PCGF2: variants seen among roughly 807,000 people sequenced by gnomAD.
PCGF2 encodes the protein polycomb group RING finger protein 2.
In PCGF2, 8 loss-of-function variants were observed where a neutral mutation model predicts 36.1. The ratio of observed to expected loss-of-function variants is 0.22; its 90% CI spans 0.13 to 0.40. The LOEUF is 0.40. Among genes scored for constraint, PCGF2 ranks in the 10% least tolerant of loss-of-function variants. The pLI is 1.00. For synonymous variants in PCGF2, 198 were observed against 191.2 expected, an observed-to-expected ratio of 1.04 and a Z score of -0.29; for missense variants, 436 against 475.9, an observed-to-expected ratio of 0.92 and a Z score of 0.78.
chr17:38,742,193 G>C (rs926215939), intron 2 of PCGF2, among the ~76,000 whole-genome samples: 3 of 152,260 alleles, frequency 2.0e-5, no homozygotes, highest in African/African-American at 7.2e-5. Flanking sequence ...GGAAGGGACA[G>C]CAGCCCTCCC....
In PCGF2 at chr17:38,739,005, G is replaced by A. The variant is rs1906987785; in HGVS notation, c.316+63C>T. 10 of 1,582,798 alleles carry A rather than the reference G, an allele frequency of 6.3e-6. No homozygotes were observed. The highest frequency in any genetic ancestry group is 3.3e-5 in the Admixed American group (2 of 59,962). The stretch of plus-strand genomic sequence containing the variant: ...AGGAGGTCAGAGGGTGAGGGGTAGC[G>A]CTACACACCTACATGGTCCCAGGCA... On this transcript the variant is annotated intron_variant, in intron 6 of 10. Coordinates refer to ENST00000620225, the MANE Select transcript of PCGF2 (RefSeq NM_007144.3). The surrounding 1 kb of genome is among the most constrained non-coding windows in gnomAD (Gnocchi z 4.0).
intron 2 of PCGF2, among the ~76,000 whole-genome samples, chr17:38,743,078 A>G (rs1450193087): frequency 1.3e-5 from 2 of 148,574 alleles, no homozygotes; most frequent in Non-Finnish European, 1.5e-5. Flanking sequence ...CTGTGTTTTC[A>G]AAGCAGACAC....
chr17:38,739,188 G>A lies in PCGF2; in HGVS notation c.265+10C>T, dbSNP rs1907004462. On this transcript the variant is annotated intron_variant, in intron 5 of 10. Coordinates refer to ENST00000620225, the MANE Select transcript of PCGF2 (RefSeq NM_007144.3). This position sits in a 1 kb window ranked among gnomAD's most constrained non-coding sequence, Gnocchi z 4.0. ...ATGGGGTCAGTGGAGGAGGAATGGA[G>A]TGCAGATACCTTTAAAAAGCCCAGG... 6.2e-7 allele frequency: 1 copy of A among 1,614,046 alleles called. No homozygotes were observed. Among genetic ancestry groups the A allele is most frequent in the Non-Finnish European group, 8.5e-7 (1 of 1,179,892 alleles).
rs772678561 is a variant in PCGF2 at position 38,734,288 on chromosome 17, C to T, written c.*935G>A. The T allele has an allele frequency of 5.5e-4, 84 of 152,692 alleles. No individual in the cohort carries two copies. The highest frequency in any genetic ancestry group is 1.5e-5 in the Non-Finnish European group (1 of 68,200). The allele number at this position is 152,692 out of a possible 1,614,324, so 9.5% of individuals were successfully genotyped here. ...GAGGGGCAATTGGAAGGCTGTTTGCCTCTGGCAAAGTCTGGGATCTGTGCT... is the reference window on the plus strand; with the variant it reads ...GAGGGGCAATTGGAAGGCTGTTTGCTTCTGGCAAAGTCTGGGATCTGTGCT... On this transcript the variant is annotated 3_prime_UTR_variant, in exon 11 of 11. Coordinates refer to ENST00000620225, the MANE Select transcript of PCGF2 (RefSeq NM_007144.3).
chr17:38,740,997 G>A (rs1907167557), intron 2 of PCGF2, among the ~76,000 whole-genome samples: 1 of 152,202 alleles, frequency 6.6e-6, no homozygotes, highest in Non-Finnish European at 1.5e-5. Flanking sequence ...TGAGAAGCAG[G>A]AGGAAAGACT....
In PCGF2 at chr17:38,739,445, AAGGTCGGGGAGTAGCCC is replaced by A; in HGVS notation, c.209+124_209+140del. On this transcript the variant is annotated intron_variant, in intron 4 of 10. Coordinates refer to ENST00000620225, the MANE Select transcript of PCGF2 (RefSeq NM_007144.3). This position sits in a 1 kb window ranked among gnomAD's most constrained non-coding sequence, Gnocchi z 4.0. ...CCTGTGATGAGCCAAATGTAACCCC[AAGGTCGGGGAGTAGCCC>A]AGGTCCACACCCCATGCTTCTCCTA... is the stretch of plus-strand genomic sequence containing the variant. 1 of 872,744 alleles carries A rather than the reference AAGGTCGGGGAGTAGCCC, an allele frequency of 1.1e-6. No homozygotes were observed. Among genetic ancestry groups the A allele is most frequent in the Non-Finnish European group, 1.9e-6 (1 of 526,900 alleles). The allele number at this position is 872,744 out of a possible 1,614,324, so 54.1% of individuals were successfully genotyped here. A position where few individuals can be genotyped will look rare whatever the true frequency, so the allele number is the denominator to read the frequency against.
intron 9 of PCGF2, 111 bp downstream of exon 9, chr17:38,738,242 C>A (rs1460817877): frequency 2.3e-6 from 2 of 885,894 alleles, no homozygotes; most frequent in Non-Finnish European, 3.6e-6. Flanking sequence ...CTCAGTTAAC[C>A]GCGCAAGCCC....
chr17:38,741,069 G>T (rs988378737), intron 2 of PCGF2, among the ~76,000 whole-genome samples: 3 of 152,044 alleles, frequency 2.0e-5, no homozygotes, highest in Admixed American at 6.5e-5. Flanking sequence ...CAGGAAAATG[G>T]AAAAGAAGAG....
intron 2 of PCGF2, among the ~76,000 whole-genome samples, chr17:38,745,951 G>C (rs1328548478): frequency 1.3e-5 from 2 of 152,122 alleles, no homozygotes; most frequent in Non-Finnish European, 2.9e-5. Flanking sequence ...CTCAGACCAG[G>C]GGTTTTATGA....
chr17:38,749,621 G>A (rs1055458644), upstream of PCGF2: 1 of 455,956 alleles, frequency 2.2e-6, no homozygotes, highest in Non-Finnish European at 4.4e-6. This position sits in a 1 kb window ranked among gnomAD's most constrained non-coding sequence, Gnocchi z 6.5. Context: ...CGCACTGACG[G>A]TGGGAGGCTC....
In PCGF2 at chr17:38,735,520, C is replaced by T. The variant is rs141751014; in HGVS notation, c.738G>A (p.Glu246=). 3.8e-6 allele frequency: 6 copies of T among 1,590,380 alleles called. No homozygotes were observed. In the African/African-American group the frequency reaches 6.7e-5, roughly 18 times the overall value. ...CGGACGCCCCGCTGGTGTTGGTGCCCTCGGAGGGGGTGGGCACCGTGGCTA... is the reference window on the plus strand; with the variant it reads ...CGGACGCCCCGCTGGTGTTGGTGCCTTCGGAGGGGGTGGGCACCGTGGCTA... The part of the protein sequence containing the change: ...LTLATVPTPS[E]GTNTSGASEC... Residue 246 remains glutamate (E), a synonymous_variant, in exon 11 of 11, where the codon GAG becomes GAA. Transcript: ENST00000620225.
At chr17:38,747,567 G>A (rs1213086238) in intron 2 of PCGF2, among the ~76,000 whole-genome samples, 1 of 152,052 alleles carries the variant, frequency 6.6e-6, no homozygotes, top group African/African-American at 2.4e-5. Flanking sequence ...TCGGGGAGGG[G>A]GCGGGGCGCC....
rs560971855 is a variant in PCGF2, at chr17:38,738,385, G to A, written c.544C>T (p.Arg182Cys). The A allele has an allele frequency of 2.4e-5, 38 of 1,614,184 alleles. No homozygotes were observed. In the East Asian group the frequency reaches 2.5e-4, roughly 10 times the overall value. Reference protein sequence around the residue: ...MTVMHLAKFLRNKMDVPSKYK... With the variant: ...MTVMHLAKFLCNKMDVPSKYK... Reference sequence around the variant, plus strand: ...TTGCTGGGCACATCCATCTTGTTGCGGAGAAACTTGGCAAGATGCATGACG... The same window carrying A: ...TTGCTGGGCACATCCATCTTGTTGCAGAGAAACTTGGCAAGATGCATGACG... Residue 182 changes from arginine to cysteine, a missense_variant, in exon 9 of 11, where the codon CGC becomes TGC. This residue lies in a region of PCGF2 where 20 missense variants were observed against 43.7 expected (regional missense o/e 0.46). Coordinates refer to ENST00000620225, the MANE Select transcript of PCGF2 (RefSeq NM_007144.3).
Position 38,735,125 on chromosome 17 carries a change from G to C in PCGF2, c.*98C>G. 1 of 984,558 alleles carries C rather than the reference G, an allele frequency of 1.0e-6. No individual in the cohort carries two copies. The highest frequency in any genetic ancestry group is 4.1e-5 in the South Asian group (1 of 24,102). 61.0% of individuals were successfully genotyped at this position (984,558 alleles called of 1,614,324 possible). On this transcript the variant is annotated 3_prime_UTR_variant, in exon 11 of 11. Transcript: ENST00000620225. ...AAACCCGCCCCCCACCCCCAAGGTGGGAAGAGCTGGGGAAAGTAGAAGAGG... is the reference window on the plus strand; with the variant it reads ...AAACCCGCCCCCCACCCCCAAGGTGCGAAGAGCTGGGGAAAGTAGAAGAGG...
At chr17:38,736,518 G>A (rs1000572430) in intron 9 of PCGF2, among the ~76,000 whole-genome samples, 6 of 152,104 alleles carry the variant, frequency 3.9e-5, no homozygotes, top group Non-Finnish European at 8.8e-5. Context: ...GCTGCAAAAT[G>A]GAATCACCCA....
chr17:38,748,658 G>C (rs945024348), upstream of PCGF2, among the ~76,000 whole-genome samples: 1 of 152,052 alleles, frequency 6.6e-6, no homozygotes, highest in African/African-American at 2.4e-5. Context: ...TCAAAATATG[G>C]GTTCCCCCCA....
chr17:38,739,713 A>G lies in PCGF2; in HGVS notation c.113-31T>C. 1.3e-6 allele frequency: 2 copies of G among 1,544,128 alleles called. No homozygotes were observed. The highest frequency in any genetic ancestry group is 1.8e-6 in the Non-Finnish European group (2 of 1,116,364). ...GGGTGTGGAGAGAGAGAGGAGAGTC[A>G]GAGCCAACTTCCAACTCCAGGACCA... On this transcript the variant is annotated intron_variant, in intron 3 of 10. Coordinates refer to ENST00000620225, the MANE Select transcript of PCGF2 (RefSeq NM_007144.3). This position sits in a 1 kb window ranked among gnomAD's most constrained non-coding sequence, Gnocchi z 4.0.
At position 38,736,094 on chromosome 17, in the gene PCGF2, C is replaced by T. The variant is rs774439646; in HGVS notation, c.653G>A (p.Arg218Gln). 1.2e-4 allele frequency: 185 copies of T among 1,574,206 alleles called. No individual in the cohort carries two copies. Among genetic ancestry groups the T allele is most frequent in the Non-Finnish European group, 1.5e-4 (177 of 1,158,984 alleles). Residue 218 changes from arginine (R) to glutamine (Q), a missense_variant, in exon 10 of 11, where the codon CGG becomes CAG. Transcript: ENST00000620225. ...LMDIAYIYPWRRNGPLPLKYR... is the reference protein window; with the variant it reads ...LMDIAYIYPWQRNGPLPLKYR... Reference sequence around the variant, plus strand: ...CCGCCCCACTCGCTGGCTCACCCGCCGCCAGGGGTAGATGTAGGCGATGTC... The same window carrying T: ...CCGCCCCACTCGCTGGCTCACCCGCTGCCAGGGGTAGATGTAGGCGATGTC...
chr17:38,735,434 G>A lies in PCGF2; in HGVS notation c.824C>T (p.Ser275Phe). 6.3e-7 allele frequency: 1 copy of A among 1,581,974 alleles called. No homozygotes were observed. Among genetic ancestry groups the A allele is most frequent in the Middle Eastern group, 1.7e-4 (1 of 6,022 alleles). The change falls in exon 11 of 11, where the codon TCC becomes TTC. Residue 275 changes from serine to phenylalanine, a missense_variant. By Grantham distance (155) the Ser-to-Phe change is radical. Coordinates refer to ENST00000620225, the MANE Select transcript of PCGF2 (RefSeq NM_007144.3). ...GGATGGGGTGGCTGGGCTGGGCAGG[G>A]AGGAGGAGGTGGCTGGCAGGGTGGC... ...SPATLPATSS[S>F]LPSPATPSHG...
Sources: allele counts gnomAD v4.1 joint callset (sites outside exome capture counted in the v4.1 genomes callset), GRCh38; gene constraint gnomAD v4.1.1; regional missense constraint gnomAD v4.1.1; non-coding constraint Gnocchi (gnomAD v3.1); transcripts MANE v1.5; gene names NCBI Gene and HGNC (gene_info 2026-07-23, HGNC 2026-07-21).